RIMS2: variants seen among roughly 807,000 people sequenced by gnomAD.
RIMS2 encodes the protein regulating synaptic membrane exocytosis protein 2.
In RIMS2, 59 loss-of-function variants were observed where a neutral mutation model predicts 174.4. The ratio of observed to expected loss-of-function variants is 0.34; its 90% CI spans 0.27 to 0.42. The LOEUF (loss-of-function observed/expected upper bound fraction) is 0.42. RIMS2 is among the 10% of genes least tolerant of loss of function. The pLI is 1.00. For missense variants in RIMS2, 1,620 were observed against 1,666.3 expected (o/e 0.97, Z 0.48); for synonymous variants, 606 against 572.5 (o/e 1.06, Z -0.84).
intron 3 of RIMS2, among the ~76,000 whole-genome samples, chr8:103,840,890 T>A (rs938349447): frequency 1.3e-5 from 2 of 152,226 alleles, no homozygotes; most frequent in Non-Finnish European, 2.9e-5. Flanking sequence ...CATAAGTGTA[T>A]TTTAAGTGAA....
At position 103,703,302 on chromosome 8, in the gene RIMS2, A is replaced by G. The variant is rs376688294; in HGVS notation, c.387+6006A>G. 6.6e-5 allele frequency among the ~76,000 whole-genome samples: 10 copies of G among 152,242 alleles called. No individual in the cohort carries two copies. In the East Asian group the frequency reaches 1.5e-3, roughly 24 times the overall value. ...GCCCAGGCTGGAGTGCAGTGGCACA[A>G]TCGTGGCTCACTGCAGCCTCTACCT... On this transcript the variant is annotated intron_variant, in intron 2 of 23. Transcript: ENST00000504942.
chr8:103,570,514 T>A (rs2092726608), intron 1 of RIMS2, among the ~76,000 whole-genome samples: 1 of 151,972 alleles, frequency 6.6e-6, no homozygotes. Context: ...CAGGAAAAAA[T>A]TTTTGCAGGA....
intron 19 of RIMS2, among the ~76,000 whole-genome samples, chr8:104,149,555 C>CT (rs36074230): frequency 0.26 from 39,365 of 152,074 alleles, 5,388 homozygotes; most frequent in South Asian, 0.43. Context: ...AAAGCAATGT[C>CT]TTTTTTCAAA....
At chr8:104,023,127 G>C (rs2096150768) in intron 19 of RIMS2, among the ~76,000 whole-genome samples, 1 of 152,098 alleles carries the variant, frequency 6.6e-6, no homozygotes, top group Non-Finnish European at 1.5e-5. Context: ...ATTGGTTAAA[G>C]CATTTCGTGG....
intron 1 of RIMS2, among the ~76,000 whole-genome samples, chr8:103,615,247 T>TA (rs1333123848): frequency 6.6e-6 from 1 of 152,034 alleles, no homozygotes; most frequent in Non-Finnish European, 1.5e-5. Context: ...AAAACCTACA[T>TA]GGAAATTAAA....
At chr8:103,867,397 CTA>C (rs1420329287) in intron 3 of RIMS2, among the ~76,000 whole-genome samples, 1 of 151,548 alleles carries the variant, frequency 6.6e-6, no homozygotes, top group Non-Finnish European at 1.5e-5. Context: ...TTTGAAAAAT[CTA>C]TTCTGAAAAC....
intron 10 of RIMS2, among the ~76,000 whole-genome samples, chr8:103,922,972 A>G (rs2078009770): frequency 6.6e-6 from 1 of 151,976 alleles, no homozygotes; most frequent in South Asian, 2.1e-4. Flanking sequence ...TTCCACTAAA[A>G]TATATTTCTT....
At chr8:103,975,537 GT>G (rs1228074164) in intron 16 of RIMS2, 31 bp downstream of exon 18, 3 of 1,571,092 alleles carry the variant, frequency 1.9e-6, no homozygotes, top group Non-Finnish European at 2.6e-6. Flanking sequence ...TATTTGTAGG[GT>G]GGCTGTATTA....
chr8:103,832,570 T>G (rs1412819759), intron 3 of RIMS2, among the ~76,000 whole-genome samples: 5 of 152,136 alleles, frequency 3.3e-5, no homozygotes, highest in African/African-American at 9.7e-5. Flanking sequence ...CCAGTTTGTG[T>G]TGTTCGCCTC....
intron 3 of RIMS2, among the ~76,000 whole-genome samples, chr8:103,774,133 C>T (rs1006695337): frequency 6.6e-6 from 1 of 152,134 alleles, no homozygotes; most frequent in Non-Finnish European, 1.5e-5. Context: ...CTGAGTGAGA[C>T]GCTGTCTCAA....
rs139242666 is a variant in RIMS2 at position 103,832,829 on chromosome 8, A to G, written c.699-52469A>G. Among the ~76,000 whole-genome samples, 648 of 152,326 alleles carry G rather than the reference A, an allele frequency of 4.3e-3. 4 individuals are homozygous for G. Among genetic ancestry groups the G allele is most frequent in the African/African-American group, 0.015 (617 of 41,580 alleles). On this transcript the variant is annotated intron_variant, in intron 3 of 23. Coordinates refer to ENST00000504942, the Ensembl canonical transcript of RIMS2. ...TTTCACAATCTATTTACAATCATTC[A>G]CAATCTATTTAGTGTTTATATTGTG... is the stretch of plus-strand genomic sequence containing the variant.
intron 3 of RIMS2, among the ~76,000 whole-genome samples, chr8:103,877,289 C>G (rs113231062): frequency 6.6e-6 from 1 of 151,858 alleles, no homozygotes; most frequent in Non-Finnish European, 1.5e-5. Flanking sequence ...TTGCATTTCC[C>G]TGATCATTCA....
At chr8:103,704,295 A>C (rs995225970) in intron 2 of RIMS2, among the ~76,000 whole-genome samples, 1 of 151,774 alleles carries the variant, frequency 6.6e-6, no homozygotes. Flanking sequence ...ATGTTGAACC[A>C]TCTTTGCATT....
intron 2 of RIMS2, among the ~76,000 whole-genome samples, chr8:103,714,728 G>T (rs201926805): frequency 7.4e-4 from 113 of 152,200 alleles, no homozygotes; most frequent in African/African-American, 2.6e-3. Flanking sequence ...TAGAATCAAT[G>T]ATATATAAGT....
intron 19 of RIMS2, among the ~76,000 whole-genome samples, chr8:104,118,195 A>G (rs985197578): frequency 2.6e-5 from 4 of 152,058 alleles, no homozygotes; most frequent in African/African-American, 7.2e-5. Flanking sequence ...TGAAAATTTT[A>G]GAATATTTTA....
intron 2 of RIMS2, among the ~76,000 whole-genome samples, chr8:103,710,445 CTT>C (rs1233355013): frequency 2.0e-5 from 3 of 152,030 alleles, no homozygotes; most frequent in Admixed American, 2.0e-4. Flanking sequence ...TATCGGTTCT[CTT>C]TGTTTCCTTT....
At chr8:103,894,786 T>C (rs1454518542) in intron 4 of RIMS2, among the ~76,000 whole-genome samples, 1 of 151,622 alleles carries the variant, frequency 6.6e-6, no homozygotes, top group Non-Finnish European at 1.5e-5. Flanking sequence ...TTCATTGTTG[T>C]TACTTAAGAC....
At chr8:103,743,459 G>A (rs1159973952) in intron 2 of RIMS2, among the ~76,000 whole-genome samples, 1 of 151,988 alleles carries the variant, frequency 6.6e-6, no homozygotes. Context: ...GGATTATTAG[G>A]ATAAAAAAAC....
At chr8:103,820,692 T>C (rs1203661595) in intron 3 of RIMS2, among the ~76,000 whole-genome samples, 2 of 151,852 alleles carry the variant, frequency 1.3e-5, no homozygotes, top group African/African-American at 2.4e-5. Context: ...GGATAACATA[T>C]CTATTTCTTA....
Sources: gnomAD v4.1 joint callset for allele counts (sites outside exome capture counted in the v4.1 genomes callset) on GRCh38, gnomAD v4.1.1 for gene constraint, MANE v1.5 for transcripts, NCBI Gene and HGNC (gene_info 2026-07-23, HGNC 2026-07-21) for gene names.